Variants in PHF14 observed in about 807,000 individuals in gnomAD.
PHF14 encodes PHD finger protein 14.
PHF14 carries 55 observed loss-of-function variants against 117.9 expected under a neutral mutation model. The ratio of observed to expected loss-of-function variants is 0.47; its 90% CI spans 0.38 to 0.58. The LOEUF (loss-of-function observed/expected upper bound fraction) is 0.58. Ranked by LOEUF, PHF14 falls within the 20% of genes least tolerant of loss-of-function variation. PHF14 has a pLI of 0.00. For missense variants in PHF14, 978 were observed against 1,122.2 expected (o/e 0.87, Z 1.84); for synonymous variants, 409 against 368.6 (o/e 1.11, Z -1.26).
chr7:10,993,385 C>T (rs546652653), intron 4 of PHF14, among the ~76,000 whole-genome samples: 1 of 152,256 alleles, frequency 6.6e-6, no homozygotes, highest in South Asian at 2.1e-4. Flanking sequence ...CTAGCTAATG[C>T]TCTGATCTTC....
chr7:11,007,935 C>CT (rs1175547193), intron 4 of PHF14, among the ~76,000 whole-genome samples: 4 of 152,124 alleles, frequency 2.6e-5, no homozygotes, highest in African/African-American at 9.7e-5. Context: ...ATCTAAATCT[C>CT]TTTTCTTTTT....
rs115070702 is a variant in PHF14, at chr7:11,129,250, C to T, written c.2772+17783C>T. 6.3e-3 allele frequency among the ~76,000 whole-genome samples: 955 copies of T among 152,142 alleles called. 7 individuals are homozygous for T. The highest frequency in any genetic ancestry group is 0.022 in the African/African-American group (910 of 41,548). On this transcript the variant is annotated intron_variant, in intron 17 of 17. Coordinates refer to ENST00000634607, the MANE Select transcript of PHF14 (RefSeq NM_001007157.2). ...AGAGGCCCAAGGCTGTTTATTGAAA[C>T]AACAAATGATGTTTGGAACATAAAT... is the stretch of plus-strand genomic sequence containing the variant.
At chr7:10,982,232 C>T in intron 2 of PHF14, 140 bp from the exon 3 acceptor site, 1 of 564,914 alleles carries the variant, frequency 1.8e-6, no homozygotes. Context: ...GGAATGTCTA[C>T]CATTCTTTGA....
intron 17 of PHF14, among the ~76,000 whole-genome samples, chr7:11,122,337 A>T (rs1341718653): frequency 1.1e-5 from 1 of 89,996 alleles, no homozygotes; most frequent in Admixed American, 1.2e-4. Context: ...CTTTTTATAT[A>T]TATATATATA....
In PHF14 at chr7:10,974,177, A is replaced by G. The variant is rs1648275345; in HGVS notation, c.-147A>G. The G allele has an allele frequency of 8.7e-6, 6 of 693,134 alleles. No individual in the cohort carries two copies. The highest frequency in any genetic ancestry group is 8.0e-5 in the South Asian group (5 of 62,246). The allele number at this position is 693,134 out of a possible 1,614,324, so 42.9% of individuals were successfully genotyped here. A position where few individuals can be genotyped will look rare whatever the true frequency, so the allele number is the denominator to read the frequency against. The stretch of plus-strand genomic sequence containing the variant: ...AGGGGACCGCGGGGCTACTCTTGGG[A>G]GCGCCCCTGTCCGGCTGGCTGCGCG... On this transcript the variant is annotated 5_prime_UTR_variant, in exon 1 of 18. Transcript: ENST00000634607.
At chr7:10,991,082 C>A (rs1200478992) in intron 4 of PHF14, among the ~76,000 whole-genome samples, 4 of 152,144 alleles carry the variant, frequency 2.6e-5, no homozygotes, top group African/African-American at 9.7e-5. Context: ...CCTCCACCTC[C>A]CAGGTTCAAG....
At chr7:11,000,482 G>A (rs1442566589) in intron 4 of PHF14, among the ~76,000 whole-genome samples, 1 of 151,782 alleles carries the variant, frequency 6.6e-6, no homozygotes, top group Non-Finnish European at 1.5e-5. Flanking sequence ...TGGGATTACA[G>A]GCACACACCA....
At chr7:11,000,340 T>TTTTTTTTTTTTTTTTTTTTTTTTG in intron 4 of PHF14, among the ~76,000 whole-genome samples, 1 of 138,564 alleles carries the variant, frequency 7.2e-6, no homozygotes, top group Non-Finnish European at 1.6e-5. Context: ...TTGCCTTTTT[T>TTTTTTTTTTTTTTTTTTTTTTTTG]TTTTTTTTTT....
intron 14 of PHF14, among the ~76,000 whole-genome samples, chr7:11,055,663 G>A (rs1359825722): frequency 6.6e-6 from 1 of 152,068 alleles, no homozygotes; most frequent in Non-Finnish European, 1.5e-5. Context: ...AACAATGTGA[G>A]CCACTAGCCA....
chr7:11,094,932 T>C (rs547729088), intron 16 of PHF14, among the ~76,000 whole-genome samples: 5 of 152,298 alleles, frequency 3.3e-5, no homozygotes, highest in African/African-American at 1.2e-4. Context: ...TCTTTTTTTT[T>C]CTTGCTAGGA....
intron 17 of PHF14, among the ~76,000 whole-genome samples, chr7:11,132,415 C>G (rs1479391904): frequency 6.6e-6 from 1 of 151,410 alleles, no homozygotes; most frequent in Non-Finnish European, 1.5e-5. Context: ...CATGTTGTGG[C>G]AGATGGCGAG....
At chr7:11,004,813 A>G (rs539721026) in intron 4 of PHF14, among the ~76,000 whole-genome samples, 1 of 151,730 alleles carries the variant, frequency 6.6e-6, no homozygotes, top group Non-Finnish European at 1.5e-5. Context: ...AGGTGGGTGG[A>G]TTACTTGAAG....
At chr7:11,086,360 G>C (rs767856720) in intron 16 of PHF14, among the ~76,000 whole-genome samples, 10 of 151,966 alleles carry the variant, frequency 6.6e-5, no homozygotes, top group Non-Finnish European at 1.3e-4. Context: ...TTAGATCATC[G>C]CAGGTCATTT....
intron 16 of PHF14, among the ~76,000 whole-genome samples, chr7:11,079,942 T>C (rs941979414): frequency 2.0e-5 from 3 of 152,124 alleles, no homozygotes; most frequent in Non-Finnish European, 4.4e-5. Flanking sequence ...GTGCCATACT[T>C]TTGATTGTCA....
At chr7:11,051,910 A>AT (rs571821485) in intron 14 of PHF14, 130 bp downstream of exon 14, 21 of 704,280 alleles carry the variant, frequency 3.0e-5, no homozygotes, top group South Asian at 6.8e-5. Context: ...ATTCTTAACA[A>AT]TTTTTTTTCT....
At chr7:10,987,687 A>G (rs1468910935) in intron 3 of PHF14, among the ~76,000 whole-genome samples, 1 of 152,052 alleles carries the variant, frequency 6.6e-6, no homozygotes, top group Admixed American at 6.6e-5. Flanking sequence ...GTCTATTTTT[A>G]TGTAAAACCA....
Position 10,974,212 on chromosome 7 carries a change from A to G in PHF14, c.-112A>G. Reference sequence around the variant, plus strand: ...TCCGGCTGGCTGCGCGCCGGTTTTAAATAGCATCTTTCGGACTTGTCTTCG... The same window carrying G: ...TCCGGCTGGCTGCGCGCCGGTTTTAGATAGCATCTTTCGGACTTGTCTTCG... On this transcript the variant is annotated 5_prime_UTR_variant, in exon 1 of 18. Coordinates refer to ENST00000634607, the MANE Select transcript of PHF14 (RefSeq NM_001007157.2). The G allele has an allele frequency of 1.1e-6, 1 of 942,008 alleles. No individual in the cohort carries two copies. The allele number at this position is 942,008 out of a possible 1,614,324, so 58.4% of individuals were successfully genotyped here. A position where few individuals can be genotyped will look rare whatever the true frequency, so the allele number is the denominator to read the frequency against.
At chr7:11,003,048 C>A (rs766797980) in intron 4 of PHF14, among the ~76,000 whole-genome samples, 1 of 152,070 alleles carries the variant, frequency 6.6e-6, no homozygotes, top group African/African-American at 2.4e-5. Flanking sequence ...TCAAGGAATT[C>A]TCCTGCCTCA....
chr7:11,111,873 T>C (rs1323113893), intron 17 of PHF14, among the ~76,000 whole-genome samples: 2 of 147,732 alleles, frequency 1.4e-5, no homozygotes, highest in Admixed American at 1.4e-4. Context: ...TTTTAAAATA[T>C]AATATATTGT....
Sources: gnomAD v4.1 joint callset for allele counts (sites outside exome capture counted in the v4.1 genomes callset) on GRCh38, gnomAD v4.1.1 for gene constraint, MANE v1.5 for transcripts, NCBI Gene and HGNC (gene_info 2026-07-23, HGNC 2026-07-21) for gene names.